Variants in DOCK10 observed in about 807,000 individuals in gnomAD.
DOCK10 encodes dedicator of cytokinesis 10, also known as dedicator of cytokinesis protein 10.
DOCK10 carries 145 observed loss-of-function variants against 280.1 expected under a neutral mutation model. The observed-to-expected ratio is 0.52, with a 90% CI of 0.45 to 0.59. The LOEUF (loss-of-function observed/expected upper bound fraction) is 0.59, where lower values mean the gene tolerates loss of function less well. DOCK10 is among the 20% of genes least tolerant of loss of function. The pLI is 0.00. For missense variants in DOCK10, 2,368 were observed against 2,651.7 expected, an observed-to-expected ratio of 0.89 and a Z score of 2.35; for synonymous variants, 915 against 942.2, an observed-to-expected ratio of 0.97 and a Z score of 0.53.
rs1265729277 is a variant in DOCK10, at chr2:224,916,708, A to T, written c.320T>A (p.Leu107Ter). The T allele has an allele frequency of 6.2e-7, 1 of 1,609,470 alleles. No homozygotes were observed. Among genetic ancestry groups the T allele is most frequent in the Non-Finnish European group, 8.5e-7 (1 of 1,177,648 alleles). The change falls in exon 3 of 56, where the codon TTA becomes TAA. Residue 107 changes from leucine to a stop codon, truncating the protein, a stop_gained. Coordinates refer to ENST00000258390, the MANE Select transcript of DOCK10 (RefSeq NM_014689.3). LOFTEE classifies it high-confidence loss of function. ...CATCACATTTACCTCCTTAACCAGT[A>T]AATTTTCTGCCTTGTGCTCTGCATC... ...PEDAEHKAEN[L>*]LVKEACKFYS... is the part of the protein sequence containing the mutation.
intron 4 of DOCK10, among the ~76,000 whole-genome samples, chr2:224,889,311 C>A (rs926850853): frequency 6.6e-6 from 1 of 152,202 alleles, no homozygotes; most frequent in Non-Finnish European, 1.5e-5. Context: ...CTTACCCTCC[C>A]TTCATTTTCA....
intron 3 of DOCK10, among the ~76,000 whole-genome samples, chr2:224,916,210 A>G (rs1436245370): frequency 2.0e-5 from 3 of 152,204 alleles, no homozygotes. Flanking sequence ...AGCCTAGCCA[A>G]TATGGTGAAA....
At chr2:224,973,324 T>C (rs1705201647) in intron 1 of DOCK10, among the ~76,000 whole-genome samples, 1 of 152,106 alleles carries the variant, frequency 6.6e-6, no homozygotes, top group African/African-American at 2.4e-5. Flanking sequence ...ATCCAGGCTG[T>C]AGATGGGAAT....
chr2:224,847,391 G>C (rs1696435407), intron 19 of DOCK10, among the ~76,000 whole-genome samples: 1 of 152,118 alleles, frequency 6.6e-6, no homozygotes, highest in Non-Finnish European at 1.5e-5. Flanking sequence ...ATCTTGGGAT[G>C]ATCACTTTGC....
At chr2:225,033,522 C>T (rs927001515) in intron 1 of DOCK10, among the ~76,000 whole-genome samples, 1 of 152,134 alleles carries the variant, frequency 6.6e-6, no homozygotes, top group African/African-American at 2.4e-5. Context: ...CAGACATTTT[C>T]GCTTCAATCC....
At chr2:224,973,744 C>T (rs774120060) in intron 1 of DOCK10, among the ~76,000 whole-genome samples, 1 of 152,128 alleles carries the variant, frequency 6.6e-6, no homozygotes, top group Non-Finnish European at 1.5e-5. Flanking sequence ...GGCACCCTCA[C>T]GACTCTCATT....
chr2:224,996,898 T>G (rs1236654557), intron 1 of DOCK10, among the ~76,000 whole-genome samples: 2 of 152,132 alleles, frequency 1.3e-5, no homozygotes, highest in Admixed American at 1.3e-4. Flanking sequence ...ATTAGAGGAT[T>G]AGAGTCTGGC....
chr2:224,858,486 G>A (rs1028317771), intron 14 of DOCK10, among the ~76,000 whole-genome samples: 5 of 152,108 alleles, frequency 3.3e-5, no homozygotes, highest in East Asian at 1.9e-4. Context: ...GTGAAACCCC[G>A]TCTCTACTAA....
chr2:224,789,784 C>CT (rs10605253), intron 47 of DOCK10, among the ~76,000 whole-genome samples: 4,209 of 147,414 alleles, frequency 0.029, 86 homozygotes, highest in Middle Eastern at 0.045. Context: ...CCAATACTTG[C>CT]TTTTTTTTTT....
At chr2:224,865,199 G>T in intron 11 of DOCK10, 112 bp from the exon 12 acceptor site, 1 of 1,015,528 alleles carries the variant, frequency 9.8e-7, no homozygotes, top group Non-Finnish European at 1.4e-6. Context: ...CAGCAGGCAA[G>T]CTCCCCTTGA....
chr2:224,956,897 A>C (rs764021919), intron 1 of DOCK10, among the ~76,000 whole-genome samples: 28 of 152,190 alleles, frequency 1.8e-4, no homozygotes, highest in Admixed American at 5.9e-4. Context: ...ATCACACCGC[A>C]TGTTTAGGAA....
rs909273277 is a variant in DOCK10 at position 224,980,921 on chromosome 2, T to A, written c.124-49253A>T. Reference sequence around the variant, plus strand: ...TGACTAGGTGAATAGTTTTTAAAAATTTCTCAGTTATTTTGAGGTATAAGG... The same window carrying A: ...TGACTAGGTGAATAGTTTTTAAAAAATTCTCAGTTATTTTGAGGTATAAGG... On this transcript the variant is annotated intron_variant, in intron 1 of 55. Coordinates refer to ENST00000258390, the MANE Select transcript of DOCK10 (RefSeq NM_014689.3). 1.3e-5 allele frequency among the ~76,000 whole-genome samples: 2 copies of A among 152,180 alleles called. 1 individual carries two copies. The highest frequency in any genetic ancestry group is 4.1e-4 in the South Asian group (2 of 4,830).
Position 224,884,953 on chromosome 2 carries a change from C to T in DOCK10, c.747+718G>A, listed in dbSNP as rs532516122. Among the ~76,000 whole-genome samples, 19 of 152,192 alleles carry T rather than the reference C, an allele frequency of 1.2e-4. No homozygotes were observed. The South Asian group carries it at 3.7e-3, about 30-fold the overall frequency. ...TGTCTTTGAATATCTGAGACTTGCC[C>T]CTGCCGCAGGGCCTTTGAACTTGCT... On this transcript the variant is annotated intron_variant, in intron 7 of 55. Transcript: ENST00000258390.
At chr2:224,890,878 G>T (rs927157717) in intron 4 of DOCK10, among the ~76,000 whole-genome samples, 39 of 152,106 alleles carry the variant, frequency 2.6e-4, no homozygotes, top group African/African-American at 9.4e-4. Context: ...GTTATCAAAT[G>T]GTTCACTTAC....
At chr2:224,974,819 A>AATATATATATATTATATATATAAT (rs1575138101) in intron 1 of DOCK10, among the ~76,000 whole-genome samples, 1 of 132,346 alleles carries the variant, frequency 7.6e-6, no homozygotes, top group Admixed American at 8.6e-5. Flanking sequence ...TTATATATAT[A>AATATATATATATTATATATATAAT]ATATATATAT....
chr2:224,949,034 T>G (rs1306767861), intron 1 of DOCK10, among the ~76,000 whole-genome samples: 1 of 152,184 alleles, frequency 6.6e-6, no homozygotes, highest in Non-Finnish European at 1.5e-5. Flanking sequence ...CCTGAAATAT[T>G]GGCAAAAAGA....
At chr2:225,002,948 A>G (rs753836846) in intron 1 of DOCK10, among the ~76,000 whole-genome samples, 1 of 152,254 alleles carries the variant, frequency 6.6e-6, no homozygotes, top group Non-Finnish European at 1.5e-5. Context: ...GTCTTGGGGC[A>G]GACAGCAAGA....
intron 55 of DOCK10, among the ~76,000 whole-genome samples, chr2:224,766,042 T>C (rs745817552): frequency 2.6e-5 from 4 of 152,214 alleles, no homozygotes; most frequent in Non-Finnish European, 5.9e-5. Flanking sequence ...GTTAAAATAT[T>C]TTCACAATCC....
intron 22 of DOCK10, among the ~76,000 whole-genome samples, chr2:224,843,582 A>G (rs1696127678): frequency 6.6e-6 from 1 of 152,196 alleles, no homozygotes. Context: ...GGTCCAATGT[A>G]TATACGATGC....
Sources: allele counts gnomAD v4.1 joint callset (sites outside exome capture counted in the v4.1 genomes callset), GRCh38; gene constraint gnomAD v4.1.1; transcripts MANE v1.5; gene names NCBI Gene and HGNC (gene_info 2026-07-23, HGNC 2026-07-21).